PLAGL1: variants seen among roughly 807,000 people sequenced by gnomAD.
PLAGL1 encodes the protein zinc finger protein PLAGL1.
Under a neutral mutation model 4.6 loss-of-function variants are expected in PLAGL1, and 1 was observed. That is an observed-to-expected ratio of 0.22 (90% CI 0.08 to 1.03). The LOEUF (loss-of-function observed/expected upper bound fraction) is 1.03, where lower values mean the gene tolerates loss of function less well. PLAGL1 is among the 50% of genes least tolerant of loss of function. The pLI is 0.58. For missense variants in PLAGL1, 464 were observed against 570.4 expected, an observed-to-expected ratio of 0.81 and a Z score of 1.90; for synonymous variants, 240 against 237.8, an observed-to-expected ratio of 1.01 and a Z score of -0.08.
chr6:143,957,709 TTG>T lies in PLAGL1; in HGVS notation c.-325+2758_-325+2759del, dbSNP rs1319712507. 5.9e-5 allele frequency among the ~76,000 whole-genome samples: 9 copies of T among 152,238 alleles called. No homozygotes were observed. The stretch of plus-strand genomic sequence containing the variant: ...TTACATTGACCATGGGATGCCTGGT[TTG>T]TGAGTGAAAATCACCGGAATGACCT... On this transcript the variant is annotated intron_variant, in intron 6 of 7. Transcript: ENST00000674357. The surrounding 1 kb of genome is among the most constrained non-coding windows in gnomAD (Gnocchi z 4.2).
chr6:143,969,778 G>GAT (rs965153967), intron 2 of PLAGL1, among the ~76,000 whole-genome samples: 2 of 151,182 alleles, frequency 1.3e-5, no homozygotes, highest in Non-Finnish European at 3.0e-5. Flanking sequence ...AAATATGGGG[G>GAT]AAAAAAACAC....
intron 2 of PLAGL1, among the ~76,000 whole-genome samples, chr6:143,969,196 G>A (rs1369954115): frequency 6.6e-6 from 1 of 151,872 alleles, no homozygotes; most frequent in Non-Finnish European, 1.5e-5. Context: ...TTTTAGAGAG[G>A]CTATACAGTG....
intron 1 of PLAGL1, among the ~76,000 whole-genome samples, chr6:144,025,910 A>C (rs1796309221): frequency 6.6e-6 from 1 of 152,266 alleles, no homozygotes; most frequent in African/African-American, 2.4e-5. Context: ...TAAATGAATA[A>C]ATAACACCTA....
chr6:143,990,702 T>C lies in PLAGL1; in HGVS notation c.-583-5528A>G, dbSNP rs1790295580. On this transcript the variant is annotated intron_variant, in intron 1 of 7. Coordinates refer to ENST00000674357, the MANE Select transcript of PLAGL1 (RefSeq NM_001317162.2). This position sits in a 1 kb window ranked among gnomAD's most constrained non-coding sequence, Gnocchi z 5.4. ...TAGGTTGAGATAGTAAAAACGTACC[T>C]TCCCTTCAAGATATGCAAGAGCCCA... Among the ~76,000 whole-genome samples, 1 of 152,182 alleles carries C rather than the reference T, an allele frequency of 6.6e-6. No homozygotes were observed.
At chr6:144,049,377 GT>G (rs1402071358) in intron 1 of PLAGL1, among the ~76,000 whole-genome samples, 1 of 152,086 alleles carries the variant, frequency 6.6e-6, no homozygotes, top group Non-Finnish European at 1.5e-5. Context: ...CACTACCTTG[GT>G]ATCAATTAAC....
intron 1 of PLAGL1, chr6:144,007,075 C>T (rs968970827): frequency 1.3e-5 from 2 of 152,236 alleles, no homozygotes; most frequent in Non-Finnish European, 2.9e-5. Flanking sequence ...GAAACACGGA[C>T]ATCGGACGTC....
At chr6:144,042,601 G>T (rs1170601865) in intron 1 of PLAGL1, among the ~76,000 whole-genome samples, 1 of 152,172 alleles carries the variant, frequency 6.6e-6, no homozygotes, top group Non-Finnish European at 1.5e-5. Flanking sequence ...TTGAAGTCAG[G>T]TAGCGTGATG....
intron 2 of PLAGL1, among the ~76,000 whole-genome samples, chr6:143,974,850 T>C (rs546425220): frequency 6.6e-6 from 1 of 152,206 alleles, no homozygotes; most frequent in Non-Finnish European, 1.5e-5. Context: ...TCTGGAAACT[T>C]GCTACATTTC....
chr6:144,020,158 A>G (rs1433534253), intron 1 of PLAGL1, among the ~76,000 whole-genome samples: 1 of 152,160 alleles, frequency 6.6e-6, no homozygotes, highest in Non-Finnish European at 1.5e-5. Context: ...CACGAACTAG[A>G]AAGAGAGCCC....
intron 1 of PLAGL1, among the ~76,000 whole-genome samples, chr6:144,051,187 T>G (rs1430087001): frequency 6.6e-6 from 1 of 152,198 alleles, no homozygotes; most frequent in Non-Finnish European, 1.5e-5. Flanking sequence ...ATCACACAAT[T>G]AAATTACAAT....
chr6:143,948,050 C>T lies in PLAGL1; in HGVS notation c.87G>A (p.Glu29=), dbSNP rs1184793667. 5.0e-6 allele frequency: 8 copies of T among 1,613,976 alleles called. No homozygotes were observed. Among genetic ancestry groups the T allele is most frequent in the Non-Finnish European group, 6.8e-6 (8 of 1,179,804 alleles). The part of the protein sequence containing the change: ...FTIHNYSHSR[E]RPYKCVQPDC... ...CAGGCTGCACACACTTGTACGGCCG[C>T]TCCCTGGAGTGGGAATAATTGTGAA... Residue 29 remains glutamate, a synonymous_variant, in exon 7 of 8, where the codon GAG becomes GAA. Coordinates refer to ENST00000674357, the MANE Select transcript of PLAGL1 (RefSeq NM_001317162.2). This position sits in a 1 kb window ranked among gnomAD's most constrained non-coding sequence, Gnocchi z 6.0.
Position 143,962,406 on chromosome 6 carries a change from T to C in PLAGL1, c.-398-1864A>G, listed in dbSNP as rs1211953742. ...AAAATTAAACAATCCTAAAGATAAATGTTTCCGAGTTCCAGAGTAACAAGA... is the reference window on the plus strand; with the variant it reads ...AAAATTAAACAATCCTAAAGATAAACGTTTCCGAGTTCCAGAGTAACAAGA... On this transcript the variant is annotated intron_variant, in intron 5 of 7. Coordinates refer to ENST00000674357, the MANE Select transcript of PLAGL1 (RefSeq NM_001317162.2). The surrounding 1 kb of genome is among the most constrained non-coding windows in gnomAD (Gnocchi z 5.3). Among the ~76,000 whole-genome samples, 1 of 152,214 alleles carries C rather than the reference T, an allele frequency of 6.6e-6. No homozygotes were observed. The highest frequency in any genetic ancestry group is 2.4e-5 in the African/African-American group (1 of 41,446).
chr6:143,999,771 G>C (rs1442419722), intron 1 of PLAGL1, among the ~76,000 whole-genome samples: 1 of 152,118 alleles, frequency 6.6e-6, no homozygotes, highest in Non-Finnish European at 1.5e-5. Context: ...ACTTTCGAGT[G>C]CAAGATGATT....
At position 144,027,258 on chromosome 6, in the gene PLAGL1, A is replaced by AGAAC. The variant is rs1491067767; in HGVS notation, c.-151+37209_-151+37210insGTTC. Reference sequence around the variant, plus strand: ...ACGAAAGAAAGAAAGAAAGAAAGAAAGAAAGAAAGAAAGAAAGAAAGAAAG... The same window carrying AGAAC: ...ACGAAAGAAAGAAAGAAAGAAAGAAAGAACGAAAGAAAGAAAGAAAGAAAGAAAG... On this transcript the variant is annotated intron_variant, in intron 1 of 3. Coordinates refer to the PLAGL1 transcript ENST00000437412. The surrounding 1 kb of genome is among the most constrained non-coding windows in gnomAD (Gnocchi z 5.8). Among the ~76,000 whole-genome samples the AGAAC allele has an allele frequency of 6.9e-6, 1 of 144,842 alleles. No homozygotes were observed. The highest frequency in any genetic ancestry group is 1.5e-5 in the Non-Finnish European group (1 of 65,792).
chr6:143,943,144 A>C (rs1653716131), intron 7 of PLAGL1, among the ~76,000 whole-genome samples: 1 of 150,040 alleles, frequency 6.7e-6, no homozygotes, highest in Non-Finnish European at 1.5e-5. Flanking sequence ...GATTACAGAC[A>C]AGAGTCACCG....
Position 144,006,635 on chromosome 6 carries a change from T to C in PLAGL1, c.-584+1455A>G, listed in dbSNP as rs1261417609. 9 of 152,176 alleles carry C rather than the reference T, an allele frequency of 5.9e-5. No homozygotes were observed. The highest frequency in any genetic ancestry group is 1.9e-4 in the East Asian group (1 of 5,200). 9.4% of individuals were successfully genotyped at this position (152,176 alleles called of 1,614,324 possible). A position where few individuals can be genotyped will look rare whatever the true frequency, so the allele number is the denominator to read the frequency against. Reference sequence around the variant, plus strand: ...TGTGTTGAAACACAAAAATACTTCATTGGCCACTGTACAGTGTGCCCTTTT... The same window carrying C: ...TGTGTTGAAACACAAAAATACTTCACTGGCCACTGTACAGTGTGCCCTTTT... On this transcript the variant is annotated intron_variant, in intron 1 of 7. Transcript: ENST00000674357. This position sits in a 1 kb window ranked among gnomAD's most constrained non-coding sequence, Gnocchi z 4.3.
intron 2 of PLAGL1, among the ~76,000 whole-genome samples, chr6:143,981,218 C>T (rs1299142015): frequency 6.7e-6 from 1 of 149,278 alleles, no homozygotes; most frequent in East Asian, 2.0e-4. Flanking sequence ...CCATCTAATC[C>T]CACTTATATA....
rs1329620753 is a variant in PLAGL1 at position 143,962,914 on chromosome 6, T to C, written c.-399+1873A>G. On this transcript the variant is annotated intron_variant, in intron 5 of 7. Coordinates refer to ENST00000674357, the MANE Select transcript of PLAGL1 (RefSeq NM_001317162.2). This position sits in a 1 kb window ranked among gnomAD's most constrained non-coding sequence, Gnocchi z 5.3. ...GTACAAGGTTTGTTTTTGAAAAGCC[T>C]CTCGAATATGTTTTATTTTATTTTC... Among the ~76,000 whole-genome samples, 1 of 152,226 alleles carries C rather than the reference T, an allele frequency of 6.6e-6. No individual in the cohort carries two copies. Among genetic ancestry groups the C allele is most frequent in the Non-Finnish European group, 1.5e-5 (1 of 68,032 alleles).
intron 2 of PLAGL1, among the ~76,000 whole-genome samples, chr6:143,976,963 C>T (rs1037595636): frequency 3.3e-5 from 5 of 152,110 alleles, no homozygotes; most frequent in Non-Finnish European, 7.4e-5. Flanking sequence ...GTTTCATTTT[C>T]ATTCAGTTCA....
Sources: allele counts gnomAD v4.1 joint callset (sites outside exome capture counted in the v4.1 genomes callset), GRCh38; gene constraint gnomAD v4.1.1; non-coding constraint Gnocchi (gnomAD v3.1); transcripts MANE v1.5; gene names NCBI Gene and HGNC (gene_info 2026-07-23, HGNC 2026-07-21).